Variants in TBC1D32 observed in about 807,000 individuals in gnomAD.
TBC1D32 encodes the protein TBC1 domain family member 32.
Under a neutral mutation model 170.3 loss-of-function variants are expected in TBC1D32, and 151 were observed. That is an observed-to-expected ratio of 0.89 (90% confidence interval 0.78 to 1.01). The LOEUF (loss-of-function observed/expected upper bound fraction) is 1.01, where lower values mean the gene tolerates loss of function less well. Ranked by LOEUF, TBC1D32 falls within the 50% of genes least tolerant of loss-of-function variation. The pLI is 0.00. For synonymous variants in TBC1D32, 498 were observed against 488.0 expected, an observed-to-expected ratio of 1.02 and a Z score of -0.27; for missense variants, 1,464 against 1,457.1, an observed-to-expected ratio of 1.00 and a Z score of -0.08.
intron 13 of TBC1D32, among the ~76,000 whole-genome samples, chr6:121,282,455 A>G (rs887425877): frequency 6.6e-6 from 1 of 151,304 alleles, no homozygotes; most frequent in Non-Finnish European, 1.5e-5. Flanking sequence ...GGTGTGTTTT[A>G]TTATTAAGTG....
At chr6:121,085,260 C>CATATATACATATATACGTAT (rs1471551362) in intron 31 of TBC1D32, among the ~76,000 whole-genome samples, 6 of 145,718 alleles carry the variant, frequency 4.1e-5, no homozygotes, top group South Asian at 2.1e-4. Flanking sequence ...TATATATACA[C>CATATATACATATATACGTAT]ATATATACAT....
At chr6:121,130,185 T>C (rs1471027635) in intron 25 of TBC1D32, among the ~76,000 whole-genome samples, 2 of 152,012 alleles carry the variant, frequency 1.3e-5, no homozygotes, top group Admixed American at 6.6e-5. Context: ...TTTAAGAGTA[T>C]CAAAGTAATG....
chr6:121,094,833 A>T (rs1051766559), intron 30 of TBC1D32, among the ~76,000 whole-genome samples: 5 of 152,144 alleles, frequency 3.3e-5, no homozygotes, highest in Admixed American at 2.0e-4. Context: ...AGATACTATA[A>T]AGAATACTAT....
chr6:121,257,862 T>G (rs1799248999), intron 15 of TBC1D32, among the ~76,000 whole-genome samples: 1 of 152,102 alleles, frequency 6.6e-6, no homozygotes, highest in Non-Finnish European at 1.5e-5. Context: ...TGGTCTTAGA[T>G]AGCTTCTAAA....
intron 15 of TBC1D32, among the ~76,000 whole-genome samples, chr6:121,257,674 A>G (rs2128399167): frequency 6.6e-6 from 1 of 152,272 alleles, no homozygotes. Flanking sequence ...GTAACCGATA[A>G]AGTGTATTTT....
At chr6:121,283,055 T>C (rs1335267960) in intron 13 of TBC1D32, among the ~76,000 whole-genome samples, 2 of 151,816 alleles carry the variant, frequency 1.3e-5, no homozygotes, top group Non-Finnish European at 3.0e-5. Context: ...GGTGTACCCG[T>C]CACCTGAACA....
intron 15 of TBC1D32, among the ~76,000 whole-genome samples, chr6:121,272,632 G>A (rs1801624493): frequency 6.6e-6 from 1 of 152,144 alleles, no homozygotes. Context: ...AGGATGTGGA[G>A]AAATAGGAAC....
chr6:121,120,290 C>G (rs1305181728), intron 26 of TBC1D32, among the ~76,000 whole-genome samples: 1 of 152,016 alleles, frequency 6.6e-6, no homozygotes, highest in African/African-American at 2.4e-5. Context: ...TCTGAGATCT[C>G]ACTCGGCATA....
chr6:121,105,309 A>G (rs1696561403), intron 30 of TBC1D32, among the ~76,000 whole-genome samples: 2 of 151,994 alleles, frequency 1.3e-5, no homozygotes. Context: ...CGTTAGGAGA[A>G]TAAAATCAAA....
intron 24 of TBC1D32, among the ~76,000 whole-genome samples, chr6:121,141,651 T>C (rs1054815013): frequency 6.6e-6 from 1 of 152,190 alleles, no homozygotes; most frequent in African/African-American, 2.4e-5. Flanking sequence ...AAATAATTTA[T>C]GTCAGCTGCT....
Position 121,080,331 on chromosome 6 carries a change from C to A in TBC1D32, c.*440G>T, listed in dbSNP as rs1212171253. 9.5e-6 allele frequency: 3 copies of A among 314,242 alleles called. No homozygotes were observed. The East Asian group carries it at 3.7e-4, about 39-fold the overall frequency. The allele number at this position is 314,242 out of a possible 1,614,324, so 19.5% of individuals were successfully genotyped here. On this transcript the variant is annotated 3_prime_UTR_variant, in exon 32 of 32. Transcript: ENST00000398212. Reference sequence around the variant, plus strand: ...CTCCCGGGTTCAAGCGATTCTCCTGCCTCAGCCTCCCAAGTAGCAGGGACT... The same window carrying A: ...CTCCCGGGTTCAAGCGATTCTCCTGACTCAGCCTCCCAAGTAGCAGGGACT...
chr6:121,235,818 C>T (rs12212646), intron 20 of TBC1D32, among the ~76,000 whole-genome samples: 61,747 of 152,116 alleles, frequency 0.41, 15,798 homozygotes, highest in Non-Finnish European at 0.58. Context: ...CAACAGTTCA[C>T]GATGTAAGTC....
At chr6:121,096,775 C>A in intron 30 of TBC1D32, among the ~76,000 whole-genome samples, 1 of 152,172 alleles carries the variant, frequency 6.6e-6, no homozygotes, top group East Asian at 1.9e-4. Context: ...CTGGAGGCAT[C>A]ACGCTACCTG....
At chr6:121,238,979 G>T in intron 20 of TBC1D32, 91 bp downstream of exon 20, 5 of 590,326 alleles carry the variant, frequency 8.5e-6, no homozygotes, top group East Asian at 8.4e-5. Context: ...AAAGTCTGCT[G>T]GTTGTAACTG....
chr6:121,188,166 T>TACTCTTATAAC (rs1789451064), intron 22 of TBC1D32, among the ~76,000 whole-genome samples: 1 of 152,150 alleles, frequency 6.6e-6, no homozygotes, highest in Non-Finnish European at 1.5e-5. Context: ...ACTTCATAAG[T>TACTCTTATAAC]TTGTTCTGAA....
intron 12 of TBC1D32, among the ~76,000 whole-genome samples, chr6:121,288,906 A>C (rs199757731): frequency 1.3e-5 from 2 of 152,120 alleles, no homozygotes; most frequent in South Asian, 2.1e-4. Context: ...CAAAAACCAT[A>C]TGATTATCTC....
Position 121,273,249 on chromosome 6 carries a change from A to C in TBC1D32, c.1733+5872T>G, listed in dbSNP as rs566465754. 1.5e-3 allele frequency among the ~76,000 whole-genome samples: 234 copies of C among 151,842 alleles called. 2 individuals are homozygous for C. Among genetic ancestry groups the C allele is most frequent in the African/African-American group, 5.3e-3 (221 of 41,388 alleles). On this transcript the variant is annotated intron_variant, in intron 15 of 31. Transcript: ENST00000398212. ...GTTCTGCACATGTACCCTAGAACTT[A>C]AAGTATAATTAAAAAGAAAAGAAAA...
chr6:121,162,345 A>G (rs1014309979), intron 22 of TBC1D32, among the ~76,000 whole-genome samples: 1 of 152,170 alleles, frequency 6.6e-6, no homozygotes, highest in Non-Finnish European at 1.5e-5. Context: ...TTTACATTGA[A>G]GTATTTAATC....
chr6:121,267,304 C>T (rs565900127), intron 15 of TBC1D32, among the ~76,000 whole-genome samples: 11 of 152,190 alleles, frequency 7.2e-5, no homozygotes, highest in Middle Eastern at 3.4e-3. Flanking sequence ...GAGTGTGAAC[C>T]GAAGCAGGGC....
Sources: allele counts gnomAD v4.1 joint callset (sites outside exome capture counted in the v4.1 genomes callset), GRCh38; gene constraint gnomAD v4.1.1; transcripts MANE v1.5; gene names NCBI Gene and HGNC (gene_info 2026-07-23, HGNC 2026-07-21).